Variants in FOXP4 observed in about 807,000 individuals in gnomAD.
FOXP4 encodes the protein forkhead box protein P4.
In FOXP4, 25 loss-of-function variants were observed where a neutral mutation model predicts 82.6. The observed-to-expected ratio is 0.30, with a 90% CI of 0.22 to 0.42. The LOEUF is 0.42. Among genes scored for constraint, FOXP4 ranks in the 10% least tolerant of loss-of-function variants. FOXP4 has a pLI of 1.00. For missense variants in FOXP4, 785 were observed against 900.9 expected (o/e 0.87, Z 1.65); for synonymous variants, 415 against 388.2 (o/e 1.07, Z -0.81).
At chr6:41,595,825 A>G (rs1766800654) in intron 14 of FOXP4, among the ~76,000 whole-genome samples, 1 of 152,160 alleles carries the variant, frequency 6.6e-6, no homozygotes, top group South Asian at 2.1e-4. Flanking sequence ...GCTGGTCTCG[A>G]ATTCCCAACT....
chr6:41,574,920 T>C (rs962256759), intron 2 of FOXP4, among the ~76,000 whole-genome samples: 2 of 152,196 alleles, frequency 1.3e-5, no homozygotes, highest in Non-Finnish European at 2.9e-5. Context: ...CACCCCCACT[T>C]CAGGCTGACT....
rs1489624432 is a variant in FOXP4 at position 41,558,847 on chromosome 6, C to G, written c.-16-6898C>G. ...CTCTGAAAAGCCCTCTGTTTTATAT[C>G]TCTTGACACAAGTAAGATATAGCAG... On this transcript the variant is annotated intron_variant, in intron 1 of 16. Coordinates refer to ENST00000307972, the MANE Select transcript of FOXP4 (RefSeq NM_001012426.2). This position sits in a 1 kb window ranked among gnomAD's most constrained non-coding sequence, Gnocchi z 4.0. 6.6e-6 allele frequency among the ~76,000 whole-genome samples: 1 copy of G among 152,150 alleles called. No homozygotes were observed. Among genetic ancestry groups the G allele is most frequent in the African/African-American group, 2.4e-5 (1 of 41,406 alleles).
chr6:41,590,664 T>C lies in FOXP4; in HGVS notation c.1434+317T>C, dbSNP rs75109933. The stretch of plus-strand genomic sequence containing the variant: ...TCAGGGTCACTCTTCGTCTCTCTCC[T>C]TTGTCTTTCCTCCCTCAAGCCCATG... On this transcript the variant is annotated intron_variant, in intron 12 of 16. Transcript: ENST00000307972. Among the ~76,000 whole-genome samples, 518 of 152,268 alleles carry C rather than the reference T, an allele frequency of 3.4e-3. 3 individuals carry two copies. Among genetic ancestry groups the C allele is most frequent in the African/African-American group, 0.011 (473 of 41,544 alleles).
chr6:41,597,055 C>G, intron 14 of FOXP4, 121 bp from the exon 15 acceptor site: 1 of 1,035,242 alleles, frequency 9.7e-7, no homozygotes, highest in Non-Finnish European at 1.5e-6. Flanking sequence ...TCCGCCCTGG[C>G]CTCCCGGAAT....
At chr6:41,552,886 G>A (rs142034961) in intron 1 of FOXP4, among the ~76,000 whole-genome samples, 1 of 152,274 alleles carries the variant, frequency 6.6e-6, no homozygotes, top group Non-Finnish European at 1.5e-5. Flanking sequence ...TAAGCCCACT[G>A]CTGCCAACTT....
At chr6:41,549,568 A>G (rs899260337) in intron 1 of FOXP4, among the ~76,000 whole-genome samples, 1 of 152,000 alleles carries the variant, frequency 6.6e-6, no homozygotes, top group Admixed American at 6.5e-5. Flanking sequence ...GGACTGGGAG[A>G]GGAAGGCTTG....
chr6:41,561,124 A>G (rs1764556139), intron 1 of FOXP4, among the ~76,000 whole-genome samples: 1 of 152,192 alleles, frequency 6.6e-6, no homozygotes. Flanking sequence ...CTCAGAGCGG[A>G]AGAGGCAGCC....
Position 41,587,464 on chromosome 6 carries a change from A to G in FOXP4, c.824A>G (p.His275Arg). Residue 275 changes from histidine (H) to arginine (R), a missense_variant, in exon 7 of 17, where the codon CAT becomes CGT. Physicochemically the swap from His to Arg is conservative, Grantham distance 29 (BLOSUM62 0). This residue lies in a region of FOXP4 where 570 missense variants were observed against 634.0 expected (regional missense o/e 0.90). Coordinates refer to ENST00000307972, the MANE Select transcript of FOXP4 (RefSeq NM_001012426.2). ...AAGGTCTCACCCCCCCTCTCCCACC[A>G]TACCCTGCCCAACGGACAGCCTACT... ...PPKVSPPLSH[H>R]TLPNGQPTVL... 3 of 1,546,916 alleles carry G rather than the reference A, an allele frequency of 1.9e-6. No homozygotes were observed. Among genetic ancestry groups the G allele is most frequent in the Non-Finnish European group, 2.6e-6 (3 of 1,146,814 alleles).
rs1766635273 is a variant in FOXP4, at chr6:41,593,498, C to T, written c.1537-1372C>T. Among the ~76,000 whole-genome samples the T allele has an allele frequency of 6.6e-6, 1 of 152,172 alleles. No homozygotes were observed. Among genetic ancestry groups the T allele is most frequent in the African/African-American group, 2.4e-5 (1 of 41,438 alleles). On this transcript the variant is annotated intron_variant, in intron 13 of 16. Coordinates refer to ENST00000307972, the MANE Select transcript of FOXP4 (RefSeq NM_001012426.2). This position sits in a 1 kb window ranked among gnomAD's most constrained non-coding sequence, Gnocchi z 4.1. ...CCTTAAATTGCCGTTAATGTTTCAG[C>T]GTAACGAATTAGTCTCTCATCACGA...
In FOXP4 at chr6:41,597,942, C is replaced by T. The variant is rs1336146737; in HGVS notation, c.1887C>T (p.Pro629=). ...GSSSPPRLSP[P]QYSHQVQVKE... The stretch of plus-strand genomic sequence containing the variant: ...GCAGCCCTCCTCGCCTCTCCCCGCC[C>T]CAGTACAGGTGAGCACACAGCACGG... The change falls in exon 16 of 17, where the codon CCC becomes CCT. Residue 629 remains proline (P), a synonymous_variant. Transcript: ENST00000307972. 1.2e-5 allele frequency: 18 copies of T among 1,543,754 alleles called. No individual in the cohort carries two copies. The highest frequency in any genetic ancestry group is 1.6e-5 in the Non-Finnish European group (18 of 1,151,638).
chr6:41,600,205 G>A lies in FOXP4; in HGVS notation c.*1269G>A, dbSNP rs1767140990. On this transcript the variant is annotated 3_prime_UTR_variant, in exon 17 of 17. Coordinates refer to ENST00000307972, the MANE Select transcript of FOXP4 (RefSeq NM_001012426.2). ...TCCGCTCCTGCCCAGCCTGGGGGAA[G>A]GAGAAAGGAGGGGAGAAAGCGGGCT... is the stretch of plus-strand genomic sequence containing the variant. 1.3e-5 allele frequency: 2 copies of A among 152,586 alleles called. No individual in the cohort carries two copies. Among genetic ancestry groups the A allele is most frequent in the Non-Finnish European group, 2.9e-5 (2 of 68,126 alleles). 9.5% of individuals were successfully genotyped at this position (152,586 alleles called of 1,614,324 possible).
At chr6:41,597,708 A>AAGGCACAG in intron 15 of FOXP4, 73 bp from the exon 16 acceptor site, 1 of 1,522,606 alleles carries the variant, frequency 6.6e-7, no homozygotes, top group Non-Finnish European at 8.8e-7. Flanking sequence ...GTGGGCGGGG[A>AAGGCACAG]AGGCACAGCA....
Position 41,578,082 on chromosome 6 carries a change from G to T in FOXP4, c.300+1G>T, listed in dbSNP as rs1238567963. 1 of 1,613,016 alleles carries T rather than the reference G, an allele frequency of 6.2e-7. No individual in the cohort carries two copies. The highest frequency in any genetic ancestry group is 1.1e-5 in the South Asian group (1 of 91,030). ...CAAACAGTCTGCCTCTGCTGTGCAGGTGAGGAAGAGAGCACCCCGCTGGCT... is the reference window on the plus strand; with the variant it reads ...CAAACAGTCTGCCTCTGCTGTGCAGTTGAGGAAGAGAGCACCCCGCTGGCT... On this transcript the variant is annotated splice_donor_variant, in intron 3 of 16. Coordinates refer to ENST00000307972, the MANE Select transcript of FOXP4 (RefSeq NM_001012426.2). LOFTEE classifies it high-confidence loss of function.
chr6:41,563,457 C>T (rs147222405), intron 1 of FOXP4, among the ~76,000 whole-genome samples: 27 of 152,288 alleles, frequency 1.8e-4, no homozygotes, highest in Non-Finnish European at 3.5e-4. Flanking sequence ...CTACAAGGCC[C>T]TCATCTGTCA....
At chr6:41,573,937 A>G (rs370827078) in intron 2 of FOXP4, among the ~76,000 whole-genome samples, 191 of 152,300 alleles carry the variant, frequency 1.3e-3, no homozygotes, top group African/African-American at 4.5e-3. Flanking sequence ...TTTCAGTCCA[A>G]GGGGTAGAAG....
intron 1 of FOXP4, 115 bp from the exon 2 acceptor site, chr6:41,565,630 A>G (rs2127348953): frequency 1.1e-6 from 1 of 930,678 alleles, no homozygotes; most frequent in East Asian, 2.5e-5. Context: ...GAAGTTGAGG[A>G]GAAGTAGATG....
chr6:41,565,999 G>A (rs780758388), intron 2 of FOXP4, 35 bp downstream of exon 2: 13 of 1,588,778 alleles, frequency 8.2e-6, no homozygotes, highest in South Asian at 6.8e-5. Context: ...ATCTGGGAGC[G>A]GGAGAGGGGC....
At chr6:41,588,779 T>C (rs1333918318) in intron 9 of FOXP4, 48 bp downstream of exon 9, 10 of 1,598,684 alleles carry the variant, frequency 6.3e-6, no homozygotes, top group Non-Finnish European at 8.6e-6. Context: ...CTCCAGCCCC[T>C]GCCCACCCAC....
rs1005485236 is a variant in FOXP4 at position 41,601,498 on chromosome 6, G to A, written c.*2562G>A. 1 of 152,150 alleles carries A rather than the reference G, an allele frequency of 6.6e-6. No homozygotes were observed. The highest frequency in any genetic ancestry group is 1.5e-5 in the Non-Finnish European group (1 of 68,084). The allele number at this position is 152,150 out of a possible 1,614,324, so 9.4% of individuals were successfully genotyped here. A position where few individuals can be genotyped will look rare whatever the true frequency, so the allele number is the denominator to read the frequency against. On this transcript the variant is annotated 3_prime_UTR_variant, in exon 17 of 17. Transcript: ENST00000307972. ...TATTTTTTATTTTTTTTAAGATGGA[G>A]TTTCGCTCTTATTGCCCAGACTGGA...
Sources: allele counts gnomAD v4.1 joint callset (sites outside exome capture counted in the v4.1 genomes callset), GRCh38; gene constraint gnomAD v4.1.1; regional missense constraint gnomAD v4.1.1; non-coding constraint Gnocchi (gnomAD v3.1); transcripts MANE v1.5; gene names NCBI Gene and HGNC (gene_info 2026-07-23, HGNC 2026-07-21).